The following HSD3B1 variants were observed in gnomAD, a reference collection of about 807,000 sequenced individuals.
The protein encoded by HSD3B1 is hydroxy-delta-5-steroid dehydrogenase, 3 beta- and steroid delta-isomerase 1, also known as 3 beta-hydroxysteroid dehydrogenase/Delta 5-->4-isomerase type 1.
In HSD3B1, 11 loss-of-function variants were observed where a neutral mutation model predicts 10.4. The observed-to-expected ratio is 1.05, with a 90% CI of 0.66 to 1.75. The LOEUF (loss-of-function observed/expected upper bound fraction) is 1.75. HSD3B1 is among the 40% of genes most tolerant of loss of function. The pLI, the probability that HSD3B1 is intolerant of heterozygous loss-of-function variation, is 0.00. For synonymous variants in HSD3B1, 217 were observed against 185.4 expected (o/e 1.17, Z -1.39); for missense variants, 490 against 454.5 (o/e 1.08, Z -0.71).
chr1:119,510,771 G>C (rs1653916267), intron 2 of HSD3B1, among the ~76,000 whole-genome samples: 3 of 99,320 alleles, frequency 3.0e-5, no homozygotes, highest in African/African-American at 1.1e-4. Flanking sequence ...AGGTGGTCTT[G>C]CTCTACCACC....
rs2101466502 is a variant in HSD3B1 at position 119,514,703 on chromosome 1, C to A, written c.*58C>A. On this transcript the variant is annotated 3_prime_UTR_variant, in exon 4 of 4. Coordinates refer to ENST00000369413, the MANE Select transcript of HSD3B1 (RefSeq NM_000862.3). ...TGTTAGGAGATGTCATCAAGCTCCA[C>A]CCTCCTGGCCTCATACAGAAAGTGA... 4.5e-6 allele frequency: 7 copies of A among 1,569,766 alleles called. No homozygotes were observed. The highest frequency in any genetic ancestry group is 6.1e-6 in the Non-Finnish European group (7 of 1,150,212).
intron 2 of HSD3B1, among the ~76,000 whole-genome samples, chr1:119,510,646 C>G (rs1231446642): frequency 6.6e-6 from 1 of 150,776 alleles, no homozygotes; most frequent in Non-Finnish European, 1.5e-5. Flanking sequence ...TTTATATCCT[C>G]AAGCCAAGAT....
In HSD3B1 at chr1:119,507,429, C is replaced by T. The variant is rs1484531962; in HGVS notation, c.-48C>T. ...TCACCCTAGAATCAGATCTGCTCCCCAGCATCTTCTGTTTCCTGGTGAGTG... is the reference window on the plus strand; with the variant it reads ...TCACCCTAGAATCAGATCTGCTCCCTAGCATCTTCTGTTTCCTGGTGAGTG... On this transcript the variant is annotated 5_prime_UTR_variant, in exon 2 of 4. Coordinates refer to ENST00000369413, the MANE Select transcript of HSD3B1 (RefSeq NM_000862.3). 6.2e-7 allele frequency: 1 copy of T among 1,607,422 alleles called. No homozygotes were observed. The highest frequency in any genetic ancestry group is 8.5e-7 in the Non-Finnish European group (1 of 1,175,488).
intron 2 of HSD3B1, 46 bp downstream of exon 2, chr1:119,507,667 G>A (rs1653826941): frequency 1.3e-6 from 2 of 1,593,706 alleles, no homozygotes; most frequent in Non-Finnish European, 8.6e-7. Context: ...CTTAAACACT[G>A]CATGTATGTG....
At position 119,514,543 on chromosome 1, in the gene HSD3B1, T is replaced by A; in HGVS notation, c.1020T>A (p.Tyr340Ter). 1 of 1,614,008 alleles carries A rather than the reference T, an allele frequency of 6.2e-7. No individual in the cohort carries two copies. The highest frequency in any genetic ancestry group is 1.1e-5 in the South Asian group (1 of 91,074). ...AGAAGGCTCAGCGAGATCTGGCGTA[T>A]AAGCCACTCTACAGCTGGGAGGAAG... ...SYKKAQRDLA[Y>*]KPLYSWEEAK... Residue 340 changes from tyrosine to a stop codon, truncating the protein, a stop_gained, in exon 4 of 4, where the codon TAT (tyrosine) becomes TAA (stop). Coordinates refer to ENST00000369413, the MANE Select transcript of HSD3B1 (RefSeq NM_000862.3). LOFTEE classifies it low-confidence loss of function (END_TRUNC).
At position 119,511,604 on chromosome 1, in the gene HSD3B1, G is replaced by A. The variant is rs377655283; in HGVS notation, c.247G>A (p.Ala83Thr). The A allele has an allele frequency of 1.4e-5, 22 of 1,613,522 alleles. No individual in the cohort carries two copies. The highest frequency in any genetic ancestry group is 1.6e-5 in the Non-Finnish European group (19 of 1,179,666). Residue 83 changes from alanine (A) to threonine (T), a missense_variant, in exon 3 of 4, where the codon GCC becomes ACC. Coordinates refer to ENST00000369413, the MANE Select transcript of HSD3B1 (RefSeq NM_000862.3). ...GGACGTCTCGGTCATCATCCACACC[G>A]CCTGTATCATTGATGTCTTCGGTGT... ...CQDVSVIIHT[A>T]CIIDVFGVTH...
intron 2 of HSD3B1, among the ~76,000 whole-genome samples, chr1:119,511,106 C>A (rs1027612785): frequency 6.6e-6 from 1 of 152,004 alleles, no homozygotes; most frequent in Non-Finnish European, 1.5e-5. Flanking sequence ...GCTGGAGTCC[C>A]AAAATTATGA....
Position 119,507,409 on chromosome 1 carries a change from C to T in HSD3B1, c.-68C>T. The stretch of plus-strand genomic sequence containing the variant: ...CTTTTTAGCCCTCTCCAGGGTCACC[C>T]TAGAATCAGATCTGCTCCCCAGCAT... On this transcript the variant is annotated 5_prime_UTR_variant, in exon 2 of 4. Coordinates refer to ENST00000369413, the MANE Select transcript of HSD3B1 (RefSeq NM_000862.3). The T allele has an allele frequency of 2.6e-6, 4 of 1,556,360 alleles. No individual in the cohort carries two copies. The highest frequency in any genetic ancestry group is 2.2e-5 in the East Asian group (1 of 44,520).
intron 3 of HSD3B1, 162 bp downstream of exon 3, chr1:119,511,829 GT>G (rs1160162127): frequency 3.0e-6 from 2 of 656,790 alleles, no homozygotes; most frequent in Non-Finnish European, 5.3e-6. Flanking sequence ...GCTAACTTTA[GT>G]TTTTTAGATG....
chr1:119,511,986 T>C (rs1653950855), intron 3 of HSD3B1: 1 of 303,286 alleles, frequency 3.3e-6, no homozygotes, highest in Non-Finnish European at 6.3e-6. Flanking sequence ...TCTACTGTGG[T>C]TCCAATCAAA....
chr1:119,512,116 G>A (rs1653953595), intron 3 of HSD3B1, among the ~76,000 whole-genome samples: 1 of 152,182 alleles, frequency 6.6e-6, no homozygotes, highest in Admixed American at 6.5e-5. Context: ...GTAGGCTGAT[G>A]AAAACATTCA....
At position 119,514,008 on chromosome 1, in the gene HSD3B1, C is replaced by T. The variant is rs1307731180; in HGVS notation, c.485C>T (p.Ala162Val). 6.2e-7 allele frequency: 1 copy of T among 1,614,132 alleles called. No homozygotes were observed. The highest frequency in any genetic ancestry group is 2.2e-5 in the East Asian group (1 of 44,860). ...CCATACCCACACAGCAAAAAGCTTG[C>T]TGAGAAGGCTGTACTGGCGGCTAAC... is the stretch of plus-strand genomic sequence containing the variant. Reference protein sequence around the residue: ...PAPYPHSKKLAEKAVLAANGW... With the variant: ...PAPYPHSKKLVEKAVLAANGW... The change falls in exon 4 of 4, where the codon GCT (alanine) becomes GTT (valine). Residue 162 changes from alanine (A) to valine (V), a missense_variant. Ala to Val is a moderately conservative substitution (Grantham distance 64). Transcript: ENST00000369413.
chr1:119,514,692 A>G lies in HSD3B1; in HGVS notation c.*47A>G. On this transcript the variant is annotated 3_prime_UTR_variant, in exon 4 of 4. Transcript: ENST00000369413. ...CATGTGGGTATTGTTAGGAGATGTCATCAAGCTCCACCCTCCTGGCCTCAT... is the reference window on the plus strand; with the variant it reads ...CATGTGGGTATTGTTAGGAGATGTCGTCAAGCTCCACCCTCCTGGCCTCAT... The G allele has an allele frequency of 1.3e-6, 2 of 1,592,420 alleles. No homozygotes were observed. The highest frequency in any genetic ancestry group is 1.7e-6 in the Non-Finnish European group (2 of 1,166,688).
At chr1:119,507,753 C>G in intron 2 of HSD3B1, 132 bp downstream of exon 2, 1 of 889,096 alleles carries the variant, frequency 1.1e-6, no homozygotes. Flanking sequence ...CCAAAGTCAT[C>G]AAGAAATAAA....
chr1:119,514,060 C>T lies in HSD3B1; in HGVS notation c.537C>T (p.Thr179=), dbSNP rs201155554. 2.4e-5 allele frequency: 39 copies of T among 1,614,088 alleles called. No individual in the cohort carries two copies. The African/African-American group carries it at 4.0e-4, about 17-fold the overall frequency. ...ANGWNLKNGG[T]LYTCALRPMY... ...GGTGGAATCTGAAAAACGGCGGCAC[C>T]CTGTACACTTGTGCCTTACGACCCA... is the stretch of plus-strand genomic sequence containing the variant. The change falls in exon 4 of 4, where the codon ACC becomes ACT. Residue 179 remains threonine, a synonymous_variant. Coordinates refer to ENST00000369413, the MANE Select transcript of HSD3B1 (RefSeq NM_000862.3).
intron 2 of HSD3B1, among the ~76,000 whole-genome samples, chr1:119,508,583 G>A (rs1653854345): frequency 6.6e-6 from 1 of 152,180 alleles, no homozygotes; most frequent in African/African-American, 2.4e-5. Flanking sequence ...TCAGACCAGA[G>A]CTTTATCCAT....
intron 2 of HSD3B1, among the ~76,000 whole-genome samples, chr1:119,508,318 C>T (rs1005266087): frequency 4.0e-5 from 6 of 150,410 alleles, no homozygotes; most frequent in Non-Finnish European, 7.4e-5. Context: ...GAGTAAGAGG[C>T]AGTATAAGGC....
intron 2 of HSD3B1, 159 bp downstream of exon 2, chr1:119,507,780 A>C: frequency 1.4e-6 from 1 of 701,548 alleles, no homozygotes; most frequent in Non-Finnish European, 2.4e-6. Flanking sequence ...ATAGTATAAA[A>C]TGGCATAGTA....
At chr1:119,508,012 G>A in intron 2 of HSD3B1, 1 of 198,722 alleles carries the variant, frequency 5.0e-6, no homozygotes, top group East Asian at 1.3e-4. Context: ...CTCACCAATG[G>A]GTCATTGTCT....
Sources: gnomAD v4.1 joint callset for allele counts (sites outside exome capture counted in the v4.1 genomes callset) on GRCh38, gnomAD v4.1.1 for gene constraint, MANE v1.5 for transcripts, NCBI Gene and HGNC (gene_info 2026-07-23, HGNC 2026-07-21) for gene names.